Variants in KCNH5 observed in about 807,000 individuals in gnomAD.
KCNH5 encodes voltage-gated delayed rectifier potassium channel KCNH5.
A neutral mutation model predicts 96.1 loss-of-function variants in KCNH5; 46 were observed. The ratio of observed to expected loss-of-function variants is 0.48; its 90% CI spans 0.38 to 0.61. The LOEUF (loss-of-function observed/expected upper bound fraction) is 0.61, where lower values mean the gene tolerates loss of function less well. KCNH5 is among the 20% of genes least tolerant of loss of function. The pLI, the probability that KCNH5 is intolerant of heterozygous loss-of-function variation, is 0.00. For missense variants in KCNH5, 907 were observed against 1,225.8 expected, an observed-to-expected ratio of 0.74 and a Z score of 3.88; for synonymous variants, 439 against 449.8, an observed-to-expected ratio of 0.98 and a Z score of 0.30.
chr14:62,741,101 A>T (rs10144856), intron 10 of KCNH5, among the ~76,000 whole-genome samples: 57,811 of 152,008 alleles, frequency 0.38, 11,078 homozygotes, highest in South Asian at 0.55. Flanking sequence ...TCAAACTATA[A>T]TGACTGCTAT....
intron 8 of KCNH5, among the ~76,000 whole-genome samples, chr14:62,838,694 T>C (rs1273329569): frequency 2.6e-5 from 4 of 152,164 alleles, no homozygotes; most frequent in African/African-American, 9.7e-5. Context: ...ACTAAGAACA[T>C]TGCCTTTACA....
intron 10 of KCNH5, among the ~76,000 whole-genome samples, chr14:62,753,564 A>G (rs1885550678): frequency 6.6e-6 from 1 of 152,194 alleles, no homozygotes; most frequent in Non-Finnish European, 1.5e-5. Context: ...CCCACAGGCC[A>G]AGGGTAAAGA....
chr14:62,813,238 G>A (rs1886907969), intron 8 of KCNH5, among the ~76,000 whole-genome samples: 1 of 152,088 alleles, frequency 6.6e-6, no homozygotes, highest in South Asian at 2.1e-4. Flanking sequence ...ATTTGAAAGA[G>A]GGATGGCAAT....
chr14:62,785,958 C>A (rs1238682854), intron 9 of KCNH5, among the ~76,000 whole-genome samples: 1 of 152,050 alleles, frequency 6.6e-6, no homozygotes, highest in Non-Finnish European at 1.5e-5. Flanking sequence ...TTTGAGAGGC[C>A]AAGGTGGGCA....
intron 6 of KCNH5, among the ~76,000 whole-genome samples, chr14:62,953,403 T>C (rs1040516145): frequency 2.0e-5 from 3 of 152,134 alleles, no homozygotes; most frequent in Admixed American, 1.3e-4. Flanking sequence ...CCATCTTCCA[T>C]ATATGAATCA....
chr14:62,902,357 T>C (rs1303774954), intron 7 of KCNH5, among the ~76,000 whole-genome samples: 1 of 152,056 alleles, frequency 6.6e-6, no homozygotes, highest in Admixed American at 6.5e-5. Flanking sequence ...AGGTCTTACA[T>C]TGAAATCTTT....
intron 1 of KCNH5, among the ~76,000 whole-genome samples, chr14:63,025,617 T>C (rs984827060): frequency 1.2e-4 from 2 of 16,976 alleles, no homozygotes; most frequent in Admixed American, 1.6e-3. Context: ...TTTACAATAG[T>C]AACAAAAAAA....
intron 7 of KCNH5, among the ~76,000 whole-genome samples, chr14:62,922,522 T>C (rs1312509627): frequency 6.6e-6 from 1 of 152,010 alleles, no homozygotes; most frequent in Non-Finnish European, 1.5e-5. Flanking sequence ...CTAATATCCC[T>C]GATGAACATA....
In KCNH5 at chr14:62,849,675, G is replaced by A; in HGVS notation, c.1547C>T (p.Ser516Leu). 6.2e-7 allele frequency: 1 copy of A among 1,613,584 alleles called. No individual in the cohort carries two copies. Among genetic ancestry groups the A allele is most frequent in the Non-Finnish European group, 8.5e-7 (1 of 1,179,722 alleles). Residue 516 changes from serine to leucine, a missense_variant, in exon 8 of 11, where the codon TCA becomes TTA. Physicochemically the swap from Ser to Leu is moderately radical, Grantham distance 145 (BLOSUM62 -2). Transcript: ENST00000322893. ...TACCTTTTCTGTATCAATGCCTTTT[G>A]ACATGGACCATGTTGAGACAATATA... ...MDYIVSTWSM[S>L]KGIDTEKVLS...
At chr14:62,890,119 A>G (rs1888675755) in intron 7 of KCNH5, among the ~76,000 whole-genome samples, 1 of 152,172 alleles carries the variant, frequency 6.6e-6, no homozygotes, top group South Asian at 2.1e-4. Context: ...ACCCAAAACT[A>G]TAAAAACCCT....
At chr14:62,738,101 C>A (rs1178075983) in intron 10 of KCNH5, among the ~76,000 whole-genome samples, 1 of 152,242 alleles carries the variant, frequency 6.6e-6, no homozygotes, top group Non-Finnish European at 1.5e-5. Flanking sequence ...AAATAAAGAT[C>A]ATTTGAACAC....
At chr14:62,977,749 A>C (rs2139564483) in intron 6 of KCNH5, among the ~76,000 whole-genome samples, 1 of 152,254 alleles carries the variant, frequency 6.6e-6, no homozygotes, top group South Asian at 2.1e-4. Context: ...CCACTTGATC[A>C]ATTGAGGTCC....
At position 62,706,889 on chromosome 14, in the gene KCNH5, CA is replaced by C. The variant is rs1884444343; in HGVS notation, c.*618del. ...TTAAAAAACGAGAGGTATAGTTGAT[CA>C]AAAATGTAATTCATGCACAAAACCC... On this transcript the variant is annotated 3_prime_UTR_variant, in exon 11 of 11. Transcript: ENST00000322893. The C allele has an allele frequency of 1.3e-5, 2 of 152,066 alleles. No individual in the cohort carries two copies. The highest frequency in any genetic ancestry group is 6.5e-5 in the Admixed American group (1 of 15,268). 9.4% of individuals were successfully genotyped at this position (152,066 alleles called of 1,614,324 possible).
At chr14:62,802,777 A>AT (rs1431549122) in intron 8 of KCNH5, among the ~76,000 whole-genome samples, 196 bp from the exon 9 acceptor site, 1 of 152,194 alleles carries the variant, frequency 6.6e-6, no homozygotes, top group African/African-American at 2.4e-5. Flanking sequence ...AGATGGGCTG[A>AT]TGAGCATATG....
At chr14:62,792,072 G>A (rs113392836) in intron 9 of KCNH5, among the ~76,000 whole-genome samples, 2,466 of 151,416 alleles carry the variant, frequency 0.016, 70 homozygotes, top group African/African-American at 0.057. Context: ...TGTACAAACT[G>A]CAAGGGTCAT....
intron 1 of KCNH5, among the ~76,000 whole-genome samples, chr14:63,023,525 A>G (rs771492240): frequency 1.3e-5 from 2 of 152,218 alleles, no homozygotes; most frequent in Non-Finnish European, 2.9e-5. Context: ...TAGTCTGCAT[A>G]CAGGAATTTC....
intron 5 of KCNH5, among the ~76,000 whole-genome samples, chr14:62,986,705 T>C (rs1890715025): frequency 6.6e-6 from 1 of 152,198 alleles, no homozygotes; most frequent in Admixed American, 6.6e-5. Flanking sequence ...TTTAACTCCT[T>C]GATGACAGGG....
At chr14:62,933,801 A>G (rs1054160664) in intron 7 of KCNH5, among the ~76,000 whole-genome samples, 1 of 152,202 alleles carries the variant, frequency 6.6e-6, no homozygotes, top group Non-Finnish European at 1.5e-5. Flanking sequence ...AAAAAACTAC[A>G]GTCAGATAAT....
intron 10 of KCNH5, among the ~76,000 whole-genome samples, chr14:62,708,813 T>C (rs1027101969): frequency 6.6e-6 from 1 of 152,170 alleles, no homozygotes; most frequent in African/African-American, 2.4e-5. Flanking sequence ...CATACACACA[T>C]ACATATTTGT....
Sources: gnomAD v4.1 joint callset for allele counts (sites outside exome capture counted in the v4.1 genomes callset) on GRCh38, gnomAD v4.1.1 for gene constraint, MANE v1.5 for transcripts, NCBI Gene and HGNC (gene_info 2026-07-23, HGNC 2026-07-21) for gene names.